AP1M1: variants seen among roughly 807,000 people sequenced by gnomAD.
AP1M1 encodes AP-1 complex subunit mu-1.
Under a neutral mutation model 57.1 loss-of-function variants are expected in AP1M1, and 18 were observed. That is an observed-to-expected ratio of 0.32 (90% CI 0.22 to 0.47). The LOEUF is 0.47. AP1M1 is among the 20% of genes least tolerant of loss of function. The pLI, the probability that AP1M1 is intolerant of heterozygous loss-of-function variation, is 1.00. For missense variants in AP1M1, 362 were observed against 593.5 expected (o/e 0.61, Z 4.05); for synonymous variants, 241 against 237.9 (o/e 1.01, Z -0.12).
At chr19:16,201,393 T>A (rs1472132603) in intron 1 of AP1M1, among the ~76,000 whole-genome samples, 1 of 131,240 alleles carries the variant, frequency 7.6e-6, no homozygotes, top group African/African-American at 2.9e-5. Context: ...GATTTCTTTT[T>A]TTTTTTTTTT....
chr19:16,241,614 A>G lies in AP1M1; in HGVS notation c.*7179A>G, dbSNP rs1036676862. The G allele has an allele frequency of 6.6e-6, 1 of 151,692 alleles. No individual in the cohort carries two copies. Among genetic ancestry groups the G allele is most frequent in the South Asian group, 2.1e-4 (1 of 4,802 alleles). 9.4% of individuals were successfully genotyped at this position (151,692 alleles called of 1,614,324 possible). Reference sequence around the variant, plus strand: ...GTCCACGAGGGCCACGTATTTATATATAATTTCTAGACCAGTGGTTGGAAA... The same window carrying G: ...GTCCACGAGGGCCACGTATTTATATGTAATTTCTAGACCAGTGGTTGGAAA... On this transcript the variant is annotated 3_prime_UTR_variant, in exon 12 of 12. Coordinates refer to ENST00000291439, the MANE Select transcript of AP1M1 (RefSeq NM_032493.4).
At chr19:16,213,960 G>T (rs1175997674) in intron 5 of AP1M1, among the ~76,000 whole-genome samples, 1 of 152,098 alleles carries the variant, frequency 6.6e-6, no homozygotes, top group Non-Finnish European at 1.5e-5. Flanking sequence ...TTATTATGCT[G>T]ACTTGTTTGT....
Position 16,245,661 on chromosome 19 carries a change from C to T in AP1M1, c.*11226C>T, listed in dbSNP as rs2091662218. On this transcript the variant is annotated 3_prime_UTR_variant, in exon 12 of 12. Coordinates refer to ENST00000291439, the MANE Select transcript of AP1M1 (RefSeq NM_032493.4). Reference sequence around the variant, plus strand: ...TTTAAAATTCAGTTTGACAAAATGACTTTTAGCTGGAGCATTAAGTCCCTT... The same window carrying T: ...TTTAAAATTCAGTTTGACAAAATGATTTTTAGCTGGAGCATTAAGTCCCTT... 6.6e-6 allele frequency: 1 copy of T among 152,106 alleles called. No homozygotes were observed. The highest frequency in any genetic ancestry group is 2.4e-5 in the African/African-American group (1 of 41,422). The allele number at this position is 152,106 out of a possible 1,614,324, so 9.4% of individuals were successfully genotyped here.
At chr19:16,205,381 G>A (rs936556679) in intron 2 of AP1M1, among the ~76,000 whole-genome samples, 3 of 152,178 alleles carry the variant, frequency 2.0e-5, no homozygotes, top group Admixed American at 6.5e-5. Context: ...CCCATGAGAA[G>A]GTGAGAGGCC....
Position 16,206,139 on chromosome 19 carries a change from C to T in AP1M1, c.200-202C>T, listed in dbSNP as rs183157816. Among the ~76,000 whole-genome samples, 17 of 152,218 alleles carry T rather than the reference C, an allele frequency of 1.1e-4. No homozygotes were observed. The East Asian group carries it at 2.7e-3, about 24-fold the overall frequency. On this transcript the variant is annotated intron_variant, in intron 2 of 11. Coordinates refer to ENST00000291439, the MANE Select transcript of AP1M1 (RefSeq NM_032493.4). This position sits in a 1 kb window ranked among gnomAD's most constrained non-coding sequence, Gnocchi z 4.3. The stretch of plus-strand genomic sequence containing the variant: ...GTGAGTGCTCCCTGGGGCCTGGGAG[C>T]GCATCTGGCTGGTGACTCCTGTGTC...
At chr19:16,222,434 G>A (rs2145132337) in intron 5 of AP1M1, among the ~76,000 whole-genome samples, 1 of 150,576 alleles carries the variant, frequency 6.6e-6, no homozygotes, top group Non-Finnish European at 1.5e-5. Flanking sequence ...GGCTGATCTA[G>A]AACTCCTGGG....
Position 16,197,994 on chromosome 19 carries a change from C to T in AP1M1, c.-33C>T. On this transcript the variant is annotated 5_prime_UTR_variant, in exon 1 of 12. Coordinates refer to ENST00000291439, the MANE Select transcript of AP1M1 (RefSeq NM_032493.4). ...CCACCGTCGCTGCCGCCGCCACCGC[C>T]CTCGGCCGCTGCCGAGGCCTCCTGC... is the stretch of plus-strand genomic sequence containing the variant. The T allele has an allele frequency of 6.4e-7, 1 of 1,557,046 alleles. No individual in the cohort carries two copies. The highest frequency in any genetic ancestry group is 8.7e-7 in the Non-Finnish European group (1 of 1,155,636).
chr19:16,212,898 T>C (rs1219568394), intron 5 of AP1M1, among the ~76,000 whole-genome samples: 1 of 152,206 alleles, frequency 6.6e-6, no homozygotes, highest in Non-Finnish European at 1.5e-5. Context: ...CATGTAATTG[T>C]ATGGGTTTGA....
intron 1 of AP1M1, among the ~76,000 whole-genome samples, chr19:16,200,775 C>A (rs76183092): frequency 3.3e-5 from 5 of 152,242 alleles, no homozygotes; most frequent in African/African-American, 1.2e-4. Flanking sequence ...ACCTCCTCTT[C>A]AGTGCTCCCT....
At position 16,228,043 on chromosome 19, in the gene AP1M1, G is replaced by A; in HGVS notation, c.817-94G>A. The A allele has an allele frequency of 3.1e-6, 4 of 1,303,840 alleles. No individual in the cohort carries two copies. Among genetic ancestry groups the A allele is most frequent in the Non-Finnish European group, 4.4e-6 (4 of 918,702 alleles). The allele number at this position is 1,303,840 out of a possible 1,614,324, so 80.8% of individuals were successfully genotyped here. On this transcript the variant is annotated intron_variant, in intron 7 of 11. Coordinates refer to ENST00000291439, the MANE Select transcript of AP1M1 (RefSeq NM_032493.4). The surrounding 1 kb of genome is among the most constrained non-coding windows in gnomAD (Gnocchi z 5.0). ...AGGGCTCTGGGCCCACACCTGGGCAGATGGTCCCTTGCCCTGGGCCTTGGT... is the reference window on the plus strand; with the variant it reads ...AGGGCTCTGGGCCCACACCTGGGCAAATGGTCCCTTGCCCTGGGCCTTGGT...
At chr19:16,213,337 A>G (rs1274676189) in intron 5 of AP1M1, among the ~76,000 whole-genome samples, 2 of 152,162 alleles carry the variant, frequency 1.3e-5, no homozygotes, top group Non-Finnish European at 2.9e-5. Context: ...ACCATTATGC[A>G]ATGCACTTCT....
rs565207365 is a variant in AP1M1 at position 16,232,965 on chromosome 19, G to A, written c.1048-528G>A. 3.3e-5 allele frequency among the ~76,000 whole-genome samples: 5 copies of A among 152,312 alleles called. No homozygotes were observed. The East Asian group carries it at 7.7e-4, about 24-fold the overall frequency. On this transcript the variant is annotated intron_variant, in intron 9 of 11. Transcript: ENST00000291439. ...CAGGAGCAGGACCCAGGGCTGAATC[G>A]TCACTCAGTGCATGCTCCTTGGTTT...
At chr19:16,222,280 T>C (rs897343473) in intron 5 of AP1M1, among the ~76,000 whole-genome samples, 10 of 150,816 alleles carry the variant, frequency 6.6e-5, no homozygotes, top group African/African-American at 2.4e-4. Flanking sequence ...CAAGCATGGC[T>C]CACTGTAGCC....
intron 1 of AP1M1, among the ~76,000 whole-genome samples, chr19:16,199,666 A>G (rs1415645371): frequency 3.9e-5 from 6 of 152,146 alleles, no homozygotes; most frequent in Non-Finnish European, 7.3e-5. Context: ...CCCAAAGTCA[A>G]CAACTGGTGA....
intron 5 of AP1M1, among the ~76,000 whole-genome samples, chr19:16,215,532 G>A (rs2091516004): frequency 6.7e-6 from 1 of 150,202 alleles, no homozygotes. Context: ...CTGGCTTGTA[G>A]GGTTTCTGCT....
At position 16,203,309 on chromosome 19, in the gene AP1M1, G is replaced by A; in HGVS notation, c.43-150G>A. ...GGAATTCCCTGGGGGATGGAGATCAGAACGGCCTCAAGTCCTGCTCTTTTG... is the reference window on the plus strand; with the variant it reads ...GGAATTCCCTGGGGGATGGAGATCAAAACGGCCTCAAGTCCTGCTCTTTTG... On this transcript the variant is annotated intron_variant, in intron 1 of 11. Coordinates refer to ENST00000291439, the MANE Select transcript of AP1M1 (RefSeq NM_032493.4). This position sits in a 1 kb window ranked among gnomAD's most constrained non-coding sequence, Gnocchi z 4.6. 2.7e-6 allele frequency: 2 copies of A among 736,364 alleles called. No individual in the cohort carries two copies. The highest frequency in any genetic ancestry group is 4.5e-6 in the Non-Finnish European group (2 of 442,572). The allele number at this position is 736,364 out of a possible 1,614,324, so 45.6% of individuals were successfully genotyped here.
intron 4 of AP1M1, 51 bp downstream of exon 4, chr19:16,208,200 A>T: frequency 6.5e-7 from 1 of 1,548,890 alleles, no homozygotes; most frequent in Non-Finnish European, 8.7e-7. Context: ...GTGTCATGAC[A>T]TCGACGTCAT....
chr19:16,224,150 C>T (rs186513742), intron 5 of AP1M1, among the ~76,000 whole-genome samples: 17 of 152,386 alleles, frequency 1.1e-4, no homozygotes, highest in African/African-American at 1.9e-4. Flanking sequence ...CAGACCTCTT[C>T]GCTTTCTTAC....
intron 5 of AP1M1, chr19:16,210,515 T>C: frequency 1.5e-6 from 1 of 656,040 alleles, no homozygotes; most frequent in Non-Finnish European, 2.8e-6. Context: ...ATTTTTGTCA[T>C]CCTAATAGGT....
Sources: gnomAD v4.1 joint callset for allele counts (sites outside exome capture counted in the v4.1 genomes callset) on GRCh38, gnomAD v4.1.1 for gene constraint, Gnocchi (gnomAD v3.1) non-coding constraint, MANE v1.5 for transcripts, NCBI Gene and HGNC (gene_info 2026-07-23, HGNC 2026-07-21) for gene names.